LCLAT1: variants seen among roughly 807,000 people sequenced by gnomAD.
LCLAT1 encodes 1-AGP acyltransferase 8.
Under a neutral mutation model 30.7 loss-of-function variants are expected in LCLAT1, and 11 were observed. The observed-to-expected ratio is 0.36, with a 90% confidence interval of 0.23 to 0.59. The LOEUF (loss-of-function observed/expected upper bound fraction) is 0.59, where lower values mean the gene tolerates loss of function less well. Ranked by LOEUF, LCLAT1 falls within the 20% of genes least tolerant of loss-of-function variation. The probability of loss-of-function intolerance (pLI) is 0.77; values close to 1 mark genes in which losing one functional copy is unlikely to be tolerated. For missense variants in LCLAT1, 402 were observed against 458.6 expected, an observed-to-expected ratio of 0.88 and a Z score of 1.13; for synonymous variants, 155 against 151.3, an observed-to-expected ratio of 1.02 and a Z score of -0.18.
In LCLAT1 at chr2:30,628,557, G is replaced by A. The variant is rs115166482; in HGVS notation, c.629-11560G>A. ...TCACTAAGGAAAACAGTGTGATCTT[G>A]AAGCAAGAATACTCACAGATCAGTG... On this transcript the variant is annotated intron_variant, in intron 5 of 5. Coordinates refer to ENST00000379509, the MANE Select transcript of LCLAT1 (RefSeq NM_001002257.3). 1.9e-3 allele frequency among the ~76,000 whole-genome samples: 290 copies of A among 152,254 alleles called. 1 individual carries two copies. Among genetic ancestry groups the A allele is most frequent in the African/African-American group, 6.8e-3 (283 of 41,542 alleles).
chr2:30,626,104 G>A (rs72863020), intron 5 of LCLAT1, among the ~76,000 whole-genome samples: 4,058 of 152,246 alleles, frequency 0.027, 174 homozygotes, highest in African/African-American at 0.091. Context: ...TAATAGCCAC[G>A]TGCTTCATTA....
At chr2:30,634,103 T>C (rs1668904818) in intron 5 of LCLAT1, among the ~76,000 whole-genome samples, 1 of 152,348 alleles carries the variant, frequency 6.6e-6, no homozygotes, top group Admixed American at 6.5e-5. Context: ...CAAGATTTCC[T>C]CACTCTGAGA....
intron 4 of LCLAT1, among the ~76,000 whole-genome samples, chr2:30,564,626 T>A (rs1331621426): frequency 6.6e-6 from 1 of 151,814 alleles, no homozygotes; most frequent in Non-Finnish European, 1.5e-5. Flanking sequence ...AACATTTTTT[T>A]AACAGTAGAA....
chr2:30,577,706 G>A (rs1177458146), intron 5 of LCLAT1, among the ~76,000 whole-genome samples: 2 of 152,008 alleles, frequency 1.3e-5, no homozygotes, highest in Non-Finnish European at 2.9e-5. Flanking sequence ...ACAATGTGTT[G>A]CATCTTTTCA....
chr2:30,499,203 G>A (rs1390122785), intron 1 of LCLAT1, among the ~76,000 whole-genome samples: 5 of 152,176 alleles, frequency 3.3e-5, no homozygotes, highest in Non-Finnish European at 5.9e-5. Flanking sequence ...TTTGGAGACG[G>A]AGTTTCGCTC....
intron 3 of LCLAT1, among the ~76,000 whole-genome samples, chr2:30,545,477 G>A (rs1664357920): frequency 6.6e-6 from 1 of 152,074 alleles, no homozygotes. Context: ...ATGGCTGAGA[G>A]TTTAGAATAG....
chr2:30,630,434 G>T (rs2602767), intron 5 of LCLAT1, among the ~76,000 whole-genome samples: 1 of 152,134 alleles, frequency 6.6e-6, no homozygotes, highest in Non-Finnish European at 1.5e-5. Context: ...ATATATACCT[G>T]AAGGAAATCA....
intron 1 of LCLAT1, among the ~76,000 whole-genome samples, chr2:30,454,144 A>G (rs1681705223): frequency 6.6e-6 from 1 of 152,240 alleles, no homozygotes; most frequent in Non-Finnish European, 1.5e-5. Flanking sequence ...CTGAATATCC[A>G]TGCTGAATGT....
At chr2:30,451,278 G>C (rs1227025965) in intron 1 of LCLAT1, among the ~76,000 whole-genome samples, 4 of 152,192 alleles carry the variant, frequency 2.6e-5, no homozygotes, top group Non-Finnish European at 5.9e-5. Flanking sequence ...GGCCAGTGTT[G>C]GCAAGGGTGT....
At chr2:30,448,944 T>TA (rs570866524) in intron 1 of LCLAT1, among the ~76,000 whole-genome samples, 48 of 152,340 alleles carry the variant, frequency 3.2e-4, no homozygotes, top group Middle Eastern at 3.4e-3. Context: ...TTTAAAAAGT[T>TA]AAAAAAACAG....
At chr2:30,459,657 G>A (rs777942704) in intron 1 of LCLAT1, 1 of 1,614,142 alleles carries the variant, frequency 6.2e-7, no homozygotes, top group Non-Finnish European at 8.5e-7. Flanking sequence ...TGAACCCATG[G>A]TCAATTAACG....
chr2:30,473,842 C>T (rs1040960262), intron 1 of LCLAT1, among the ~76,000 whole-genome samples: 4 of 152,156 alleles, frequency 2.6e-5, no homozygotes. Context: ...TAGTTTTATG[C>T]AGTGCTAATT....
At chr2:30,639,610 T>TA (rs1449196166) in intron 5 of LCLAT1, among the ~76,000 whole-genome samples, 3 of 152,162 alleles carry the variant, frequency 2.0e-5, no homozygotes, top group Non-Finnish European at 4.4e-5. Flanking sequence ...TTTTTTAAAA[T>TA]AAAAAAGTAT....
chr2:30,563,328 T>C (rs1665328331), intron 4 of LCLAT1, among the ~76,000 whole-genome samples: 2 of 152,208 alleles, frequency 1.3e-5, no homozygotes, highest in Non-Finnish European at 1.5e-5. Flanking sequence ...CCATGGATTA[T>C]TTTTGCAGAT....
intron 5 of LCLAT1, among the ~76,000 whole-genome samples, chr2:30,620,885 C>T (rs1025882745): frequency 2.0e-5 from 3 of 152,168 alleles, no homozygotes; most frequent in Non-Finnish European, 4.4e-5. Flanking sequence ...CTTGCCTTTT[C>T]CAGCTTCTAG....
At chr2:30,470,246 T>C (rs534417912) in intron 1 of LCLAT1, among the ~76,000 whole-genome samples, 2 of 152,118 alleles carry the variant, frequency 1.3e-5, no homozygotes, top group Non-Finnish European at 2.9e-5. Flanking sequence ...AGGTAATCTA[T>C]TGGGGTAATC....
At chr2:30,517,215 C>G (rs1025258545) in intron 1 of LCLAT1, among the ~76,000 whole-genome samples, 3 of 152,202 alleles carry the variant, frequency 2.0e-5, no homozygotes, top group African/African-American at 7.2e-5. Flanking sequence ...CTTTCACTCC[C>G]TCTCCCAGGT....
intron 5 of LCLAT1, among the ~76,000 whole-genome samples, chr2:30,609,302 TA>T (rs1197239010): frequency 6.6e-6 from 1 of 151,768 alleles, no homozygotes; most frequent in African/African-American, 2.4e-5. Flanking sequence ...GTCTGGTTTT[TA>T]AAAACCTTTC....
chr2:30,452,786 G>A (rs1451737531), intron 1 of LCLAT1, among the ~76,000 whole-genome samples: 1 of 152,134 alleles, frequency 6.6e-6, no homozygotes. Flanking sequence ...AACGAGCTAA[G>A]AAAAGCTTTC....
Sources: allele counts gnomAD v4.1 joint callset (sites outside exome capture counted in the v4.1 genomes callset), GRCh38; gene constraint gnomAD v4.1.1; transcripts MANE v1.5; gene names NCBI Gene and HGNC (gene_info 2026-07-23, HGNC 2026-07-21).